Variants in TYW1B observed in about 807,000 individuals in gnomAD.
The protein encoded by TYW1B is S-adenosyl-L-methionine-dependent tRNA 4-demethylwyosine synthase TYW1B.
TYW1B carries 73 observed loss-of-function variants against 86.9 expected under a neutral mutation model. The observed-to-expected ratio is 0.84, with a 90% CI of 0.70 to 1.02. The LOEUF (loss-of-function observed/expected upper bound fraction) is 1.02, where lower values mean the gene tolerates loss of function less well. Among genes scored for constraint, TYW1B ranks in the 50% least tolerant of loss-of-function variants. TYW1B has a pLI of 0.00. For missense variants in TYW1B, 637 were observed against 827.4 expected, an observed-to-expected ratio of 0.77 and a Z score of 2.82; for synonymous variants, 248 against 292.8, an observed-to-expected ratio of 0.85 and a Z score of 1.56.
At chr7:72,813,999 G>T (rs1401895441) in intron 3 of TYW1B, among the ~76,000 whole-genome samples, 26 of 140,732 alleles carry the variant, frequency 1.8e-4, no homozygotes, top group African/African-American at 6.4e-4. Flanking sequence ...TGGGCAACAA[G>T]AGCAAAACTC....
At chr7:72,809,259 G>T (rs1554477445) in intron 4 of TYW1B, among the ~76,000 whole-genome samples, 1 of 151,938 alleles carries the variant, frequency 6.6e-6, no homozygotes. Flanking sequence ...TAGCCACGAT[G>T]ATCTCGATCT....
intron 6 of TYW1B, among the ~76,000 whole-genome samples, chr7:72,794,491 G>A (rs143070050): frequency 6.6e-6 from 1 of 151,958 alleles, no homozygotes; most frequent in African/African-American, 2.4e-5. Context: ...GGGAGGCAGA[G>A]GTTGCAGTGA....
At chr7:72,586,614 G>T (rs1404279178) in intron 13 of TYW1B, among the ~76,000 whole-genome samples, 1 of 152,256 alleles carries the variant, frequency 6.6e-6, no homozygotes, top group South Asian at 2.1e-4. Flanking sequence ...GTGCATGCCC[G>T]TAATCCCAGC....
intron 6 of TYW1B, among the ~76,000 whole-genome samples, chr7:72,779,442 C>T (rs68035630): frequency 0.061 from 6,236 of 102,832 alleles, no homozygotes; most frequent in African/African-American, 0.098. Context: ...CGTGGCCGGG[C>T]ACGTTGGCTC....
intron 10 of TYW1B, among the ~76,000 whole-genome samples, chr7:72,710,027 G>C (rs535351094): frequency 6.6e-6 from 1 of 152,244 alleles, no homozygotes; most frequent in South Asian, 2.1e-4. Flanking sequence ...AGAGAGACTC[G>C]ATAACATCTA....
chr7:72,826,960 G>A lies in TYW1B; in HGVS notation c.30C>T (p.Leu10=), dbSNP rs781913574. The change falls in exon 2 of 14, where the codon CTC becomes CTT. Residue 10 remains leucine (L), a synonymous_variant. Coordinates refer to ENST00000620995, the MANE Select transcript of TYW1B (RefSeq NM_001145440.3). ...TCCATAATGATATTAAAGGTGAGGA[G>A]AGGTCCCATGTATCCGCAGAAGGAT... is the stretch of plus-strand genomic sequence containing the variant. MDPSADTWD[L]SSPLISLWIN... 1.9e-6 allele frequency: 3 copies of A among 1,612,182 alleles called. No individual in the cohort carries two copies. Among genetic ancestry groups the A allele is most frequent in the African/African-American group, 1.3e-5 (1 of 74,894 alleles).
chr7:72,755,634 G>A (rs930866401), intron 7 of TYW1B, among the ~76,000 whole-genome samples: 5 of 152,272 alleles, frequency 3.3e-5, no homozygotes, highest in East Asian at 1.9e-4. Flanking sequence ...ACTGCACTCC[G>A]GCCTGGGCGA....
At chr7:72,803,549 T>C (rs577031805) in intron 5 of TYW1B, among the ~76,000 whole-genome samples, 3 of 152,312 alleles carry the variant, frequency 2.0e-5, no homozygotes, top group African/African-American at 7.2e-5. Context: ...TCACGGCTAA[T>C]ACGTGGCAGC....
chr7:72,658,652 T>C (rs1250329639), intron 11 of TYW1B, among the ~76,000 whole-genome samples: 3 of 152,226 alleles, frequency 2.0e-5, no homozygotes, highest in African/African-American at 7.2e-5. Context: ...ACATATAGCA[T>C]GATACATTAA....
chr7:72,609,386 C>T (rs60537048), intron 13 of TYW1B, among the ~76,000 whole-genome samples: 1,536 of 151,864 alleles, frequency 0.01, 29 homozygotes, highest in African/African-American at 0.035. Context: ...CAGTGGGACC[C>T]GATCTCAATA....
chr7:72,576,789 G>A (rs1811033051), intron 13 of TYW1B, among the ~76,000 whole-genome samples: 1 of 151,788 alleles, frequency 6.6e-6, no homozygotes, highest in African/African-American at 2.4e-5. Flanking sequence ...TGGGATTACA[G>A]GCGTGAGCCA....
intron 6 of TYW1B, among the ~76,000 whole-genome samples, chr7:72,795,090 G>A (rs1377151402): frequency 2.0e-5 from 3 of 151,970 alleles, no homozygotes; most frequent in Non-Finnish European, 4.4e-5. Flanking sequence ...AAAGTGCTGG[G>A]ATTACATGTG....
intron 6 of TYW1B, among the ~76,000 whole-genome samples, chr7:72,792,413 C>T (rs1284005926): frequency 6.6e-6 from 1 of 151,968 alleles, no homozygotes; most frequent in African/African-American, 2.4e-5. Context: ...TGCATCCAAT[C>T]TCACTCAAAA....
chr7:72,629,685 T>C (rs1475184932), intron 11 of TYW1B, among the ~76,000 whole-genome samples: 1 of 152,152 alleles, frequency 6.6e-6, no homozygotes, highest in East Asian at 1.9e-4. Flanking sequence ...TAGCTGGGAC[T>C]ACAGGCACAT....
At chr7:72,709,526 G>C (rs1345927554) in intron 10 of TYW1B, among the ~76,000 whole-genome samples, 2 of 152,268 alleles carry the variant, frequency 1.3e-5, no homozygotes, top group Non-Finnish European at 2.9e-5. Context: ...AAATTAGCTG[G>C]GGGTGGTGGT....
At chr7:72,771,183 G>A (rs151062966) in intron 7 of TYW1B, among the ~76,000 whole-genome samples, 4 of 152,048 alleles carry the variant, frequency 2.6e-5, no homozygotes, top group East Asian at 1.9e-4. Context: ...GGCTGGTCTC[G>A]AACTCCCGAC....
At chr7:72,693,519 C>T (rs1273756206) in intron 11 of TYW1B, among the ~76,000 whole-genome samples, 1 of 151,630 alleles carries the variant, frequency 6.6e-6, no homozygotes, top group Non-Finnish European at 1.5e-5. Context: ...AGTGATTCTC[C>T]CACCTTAGCC....
chr7:72,625,894 G>GGT (rs1171431072), intron 12 of TYW1B, among the ~76,000 whole-genome samples: 1 of 102,748 alleles, frequency 9.7e-6, no homozygotes, highest in Admixed American at 1.0e-4. Context: ...GGAGAGGTGG[G>GGT]GCGGGGGGGG....
intron 7 of TYW1B, among the ~76,000 whole-genome samples, chr7:72,773,783 G>A (rs1232611645): frequency 6.6e-6 from 1 of 152,126 alleles, no homozygotes; most frequent in Non-Finnish European, 1.5e-5. Flanking sequence ...TCCCAAATGG[G>A]ATGGGCATGG....
Sources: allele counts gnomAD v4.1 joint callset (sites outside exome capture counted in the v4.1 genomes callset), GRCh38; gene constraint gnomAD v4.1.1; transcripts MANE v1.5; gene names NCBI Gene and HGNC (gene_info 2026-07-23, HGNC 2026-07-21).